The following SEL1L3 variants were observed in gnomAD, a reference collection of about 807,000 sequenced individuals.
The protein encoded by SEL1L3 is SEL1L family member 3.
Under a neutral mutation model 142.8 loss-of-function variants are expected in SEL1L3, and 76 were observed. The observed-to-expected ratio is 0.53, with a 90% CI of 0.44 to 0.64. The LOEUF is 0.64. Among genes scored for constraint, SEL1L3 ranks in the 30% least tolerant of loss-of-function variants. The probability of loss-of-function intolerance (pLI) is 0.00; values close to 1 mark genes in which losing one functional copy is unlikely to be tolerated. For missense variants in SEL1L3, 1,262 were observed against 1,381.7 expected (o/e 0.91, Z 1.37); for synonymous variants, 504 against 519.6 (o/e 0.97, Z 0.41).
Position 25,862,717 on chromosome 4 carries a change from G to C in SEL1L3, c.120C>G (p.Leu40=), listed in dbSNP as rs1490534696. Residue 40 remains leucine (L), a synonymous_variant, in exon 1 of 24, where the codon CTC becomes CTG. Transcript: ENST00000399878. ...GCAGCGCGCAGGCAGAGCGGCCGCCGAGGCCCTGGGGGACGCCGCCACTCG... is the reference window on the plus strand; with the variant it reads ...GCAGCGCGCAGGCAGAGCGGCCGCCCAGGCCCTGGGGGACGCCGCCACTCG... The part of the protein sequence containing the change: ...MVPSGGVPQG[L]GGRSACALLL... 7.0e-6 allele frequency: 9 copies of C among 1,294,766 alleles called. No homozygotes were observed. The African/African-American group carries it at 9.3e-5, about 13-fold the overall frequency. 80.2% of individuals were successfully genotyped at this position (1,294,766 alleles called of 1,614,324 possible).
Position 25,783,659 on chromosome 4 carries a change from G to T in SEL1L3, c.2280+569C>A, listed in dbSNP as rs960587132. Among the ~76,000 whole-genome samples the T allele has an allele frequency of 9.8e-5, 15 of 152,314 alleles. No homozygotes were observed. The East Asian group carries it at 2.7e-3, about 27-fold the overall frequency. On this transcript the variant is annotated intron_variant, in intron 14 of 23. Coordinates refer to ENST00000399878, the MANE Select transcript of SEL1L3 (RefSeq NM_015187.5). ...CATGTATGTGCATGTGTGGGTGGGG[G>T]CCCCTCGAAAGCAACATTGTAACCT... is the stretch of plus-strand genomic sequence containing the variant.
intron 1 of SEL1L3, among the ~76,000 whole-genome samples, chr4:25,858,326 A>G (rs1717404190): frequency 1.3e-5 from 2 of 152,152 alleles, no homozygotes; most frequent in African/African-American, 4.8e-5. Flanking sequence ...TCTATTTTCA[A>G]ATATTCATAA....
chr4:25,745,886 G>A (rs935676589), downstream of SEL1L3, among the ~76,000 whole-genome samples: 1 of 152,258 alleles, frequency 6.6e-6, no homozygotes, highest in Non-Finnish European at 1.5e-5. Flanking sequence ...GTTCCCAACA[G>A]ATTGGAAATG....
chr4:25,766,299 G>GA (rs1718723651), intron 19 of SEL1L3, among the ~76,000 whole-genome samples: 2 of 152,040 alleles, frequency 1.3e-5, no homozygotes, highest in Admixed American at 1.3e-4. Flanking sequence ...AATTAGCCAG[G>GA]AATGGTGGTG....
downstream of SEL1L3, among the ~76,000 whole-genome samples, chr4:25,746,509 T>TATATATATATATATATTTAA (rs1560268950): frequency 8.4e-4 from 26 of 31,130 alleles, no homozygotes; most frequent in South Asian, 2.2e-3. Context: ...ATTATCTAAA[T>TATATATATATATATATTTAA]ATATATATAT....
rs571800448 is a variant in SEL1L3 at position 25,787,943 on chromosome 4, C to A, written c.2217+281G>T. 6.6e-5 allele frequency among the ~76,000 whole-genome samples: 10 copies of A among 152,320 alleles called. No homozygotes were observed. The South Asian group carries it at 2.1e-3, about 32-fold the overall frequency. On this transcript the variant is annotated intron_variant, in intron 13 of 23. Coordinates refer to ENST00000399878, the MANE Select transcript of SEL1L3 (RefSeq NM_015187.5). ...GTGCCTGTGGGGGCTGGCGGCTGAGCGCCAATCAATAAAATACGGGTGTCT... is the reference window on the plus strand; with the variant it reads ...GTGCCTGTGGGGGCTGGCGGCTGAGAGCCAATCAATAAAATACGGGTGTCT...
At chr4:25,856,832 C>G (rs1201305938) in intron 1 of SEL1L3, among the ~76,000 whole-genome samples, 3 of 152,182 alleles carry the variant, frequency 2.0e-5, no homozygotes, top group Non-Finnish European at 4.4e-5. Context: ...AATAACCCTC[C>G]CTTGCTCAAA....
chr4:25,812,970 C>T (rs1002205099), intron 9 of SEL1L3, among the ~76,000 whole-genome samples: 9 of 151,744 alleles, frequency 5.9e-5, no homozygotes, highest in African/African-American at 2.2e-4. Flanking sequence ...CCGAGATCTG[C>T]CACTGCACTC....
intron 11 of SEL1L3, among the ~76,000 whole-genome samples, chr4:25,796,475 A>T (rs1203494003): frequency 3.9e-5 from 6 of 152,138 alleles, no homozygotes; most frequent in Non-Finnish European, 7.4e-5. Context: ...GTAAAATTTT[A>T]AAAAATAAAA....
chr4:25,862,678 G>A lies in SEL1L3; in HGVS notation c.159C>T (p.Tyr53=). 2 of 1,295,088 alleles carry A rather than the reference G, an allele frequency of 1.5e-6. No individual in the cohort carries two copies. Among genetic ancestry groups the A allele is most frequent in the Non-Finnish European group, 2.0e-6 (2 of 1,018,886 alleles). 80.2% of individuals were successfully genotyped at this position (1,295,088 alleles called of 1,614,324 possible). A position where few individuals can be genotyped will look rare whatever the true frequency, so the allele number is the denominator to read the frequency against. ...RSACALLLLC[Y]LNVVPSLGRQ... ...CCGGGCAGGGTCCGGCGCTCACCAG[G>A]TAGCAGAGCAGGAGCAGCGCGCAGG... is the stretch of plus-strand genomic sequence containing the variant. The change falls in exon 1 of 24, where the codon TAC becomes TAT. Residue 53 remains tyrosine, a synonymous_variant. Transcript: ENST00000399878.
At position 25,748,561 on chromosome 4, in the gene SEL1L3, C is replaced by T. The variant is rs1392727166; in HGVS notation, c.3263G>A (p.Ser1088Asn). 1.2e-6 allele frequency: 2 copies of T among 1,609,088 alleles called. No individual in the cohort carries two copies. Among genetic ancestry groups the T allele is most frequent in the African/African-American group, 2.7e-5 (2 of 74,840 alleles). Residue 1088 changes from serine to asparagine, a missense_variant, in exon 24 of 24, where the codon AGC (serine) becomes AAC (asparagine). Ser to Asn is a conservative substitution (Grantham distance 46). Around this residue, in one of 3 missense-constraint regions of SEL1L3, gnomAD observed 138 missense variants for 129.7 expected, o/e 1.06. Coordinates refer to ENST00000399878, the MANE Select transcript of SEL1L3 (RefSeq NM_015187.5). Reference protein sequence around the residue: ...TVQYFQSVSASDPPPRPSQAS... With the variant: ...TVQYFQSVSANDPPPRPSQAS... ...CTGGGATGGTCTTGGAGGGGGATCGCTTGCTGCAGAGACACATGCACAACA... is the reference window on the plus strand; with the variant it reads ...CTGGGATGGTCTTGGAGGGGGATCGTTTGCTGCAGAGACACATGCACAACA...
chr4:25,828,605 T>C (rs930496164), intron 6 of SEL1L3, among the ~76,000 whole-genome samples: 3 of 151,960 alleles, frequency 2.0e-5, no homozygotes, highest in African/African-American at 7.3e-5. Flanking sequence ...AGGCTGGTCT[T>C]GAACTCCTTG....
At chr4:25,811,861 G>A (rs1441767228) in intron 9 of SEL1L3, among the ~76,000 whole-genome samples, 1 of 151,490 alleles carries the variant, frequency 6.6e-6, no homozygotes, top group Non-Finnish European at 1.5e-5. Flanking sequence ...GGTTTAACCG[G>A]AATTTAAAAT....
At chr4:25,726,440 A>G in the SEL1L3 span, among the ~76,000 whole-genome samples, 1 of 151,558 alleles carries the variant, frequency 6.6e-6, no homozygotes, top group African/African-American at 2.4e-5. Flanking sequence ...AGACAGGAGA[A>G]TCACTTGAAC....
rs551819022 is a variant in SEL1L3 at position 25,828,812 on chromosome 4, G to A, written c.1157+1286C>T. ...GAATTTGGGTTGTGCGGGACTCTGC[G>A]TATCCCCAGCCTGTTTGGAGAGGCA... On this transcript the variant is annotated intron_variant, in intron 6 of 23. Transcript: ENST00000399878. 9.2e-5 allele frequency among the ~76,000 whole-genome samples: 14 copies of A among 152,224 alleles called. No individual in the cohort carries two copies. The South Asian group carries it at 1.9e-3, about 20-fold the overall frequency.
At chr4:25,847,210 GA>G in intron 2 of SEL1L3, 83 bp downstream of exon 2, 1 of 1,160,948 alleles carries the variant, frequency 8.6e-7, no homozygotes, top group Non-Finnish European at 1.2e-6. Context: ...TTCGCTAATA[GA>G]AGAATTTTCT....
chr4:25,776,829 G>A (rs1221254573), intron 16 of SEL1L3: 1 of 144,540 alleles, frequency 6.9e-6, no homozygotes, highest in Non-Finnish European at 1.5e-5. Context: ...AGAAGGGGAA[G>A]TAGAATAATT....
chr4:25,716,779 C>T, the SEL1L3 span, among the ~76,000 whole-genome samples: 5,339 of 152,074 alleles, frequency 0.035, 282 homozygotes, highest in African/African-American at 0.12. Flanking sequence ...AATTTTTGTG[C>T]TAATCTACAT....
chr4:25,802,000 CT>C (rs1412048317), intron 11 of SEL1L3, among the ~76,000 whole-genome samples: 1 of 152,154 alleles, frequency 6.6e-6, no homozygotes, highest in Non-Finnish European at 1.5e-5. Flanking sequence ...TAGGTACACA[CT>C]TTTTTGCAAA....
Sources: allele counts gnomAD v4.1 joint callset (sites outside exome capture counted in the v4.1 genomes callset), GRCh38; gene constraint gnomAD v4.1.1; regional missense constraint gnomAD v4.1.1; transcripts MANE v1.5; gene names NCBI Gene and HGNC (gene_info 2026-07-23, HGNC 2026-07-21).